The following HDAC9 variants were observed in gnomAD, a reference collection of about 807,000 sequenced individuals.
HDAC9 encodes histone deacetylase 9.
HDAC9 carries 41 observed loss-of-function variants against 139.4 expected under a neutral mutation model. The observed-to-expected ratio is 0.29, with a 90% confidence interval of 0.23 to 0.38. The LOEUF is 0.38. Ranked by LOEUF, HDAC9 falls within the 10% of genes least tolerant of loss-of-function variation. The pLI is 1.00. For synonymous variants in HDAC9, 517 were observed against 476.2 expected (o/e 1.09, Z -1.12); for missense variants, 1,147 against 1,297.0 (o/e 0.88, Z 1.78).
chr7:18,326,033 A>G (rs755064254), intron 1 of HDAC9, among the ~76,000 whole-genome samples: 6 of 152,142 alleles, frequency 3.9e-5, no homozygotes, highest in Non-Finnish European at 7.4e-5. Flanking sequence ...CAAAGTGAAC[A>G]CATTCTGCTG....
intron 12 of HDAC9, among the ~76,000 whole-genome samples, chr7:18,704,758 GATA>G (rs1334895653): frequency 2.6e-5 from 4 of 152,024 alleles, no homozygotes; most frequent in Non-Finnish European, 5.9e-5. Flanking sequence ...ACACAGACTT[GATA>G]ATAATTTTTA....
intron 1 of HDAC9, among the ~76,000 whole-genome samples, chr7:18,438,987 G>A (rs915240239): frequency 2.0e-5 from 3 of 152,176 alleles, no homozygotes; most frequent in Non-Finnish European, 4.4e-5. Context: ...AACAATGTGT[G>A]TGCATACTGT....
chr7:18,690,653 G>T (rs2129097070), intron 12 of HDAC9, among the ~76,000 whole-genome samples: 1 of 151,804 alleles, frequency 6.6e-6, no homozygotes, highest in African/African-American at 2.4e-5. Flanking sequence ...TTTAAATGTG[G>T]CTATAGTACA....
intron 24 of HDAC9, among the ~76,000 whole-genome samples, chr7:18,972,895 C>G (rs1239220661): frequency 1.3e-5 from 2 of 152,176 alleles, no homozygotes; most frequent in Non-Finnish European, 2.9e-5. Flanking sequence ...TCTTAAAGTA[C>G]AAGGGTAATG....
intron 22 of HDAC9, among the ~76,000 whole-genome samples, chr7:18,877,099 G>A (rs1417729341): frequency 1.3e-5 from 2 of 152,068 alleles, no homozygotes; most frequent in Admixed American, 6.5e-5. Context: ...GACTAGTTTT[G>A]TGATACTTAA....
intron 2 of HDAC9, among the ~76,000 whole-genome samples, chr7:18,206,722 G>A (rs1791536250): frequency 6.6e-6 from 1 of 152,036 alleles, no homozygotes; most frequent in Admixed American, 6.6e-5. Context: ...TAAATGGATG[G>A]ACCTTAAAAA....
intron 22 of HDAC9, among the ~76,000 whole-genome samples, chr7:18,921,723 A>G (rs1803748303): frequency 6.6e-6 from 1 of 152,140 alleles, no homozygotes; most frequent in Admixed American, 6.5e-5. Flanking sequence ...CCATCCCATT[A>G]CTGGGTATAT....
At chr7:18,332,815 G>A (rs1346416925) in intron 1 of HDAC9, among the ~76,000 whole-genome samples, 1 of 151,416 alleles carries the variant, frequency 6.6e-6, no homozygotes, top group Non-Finnish European at 1.5e-5. Flanking sequence ...TTTTGTTAGG[G>A]GCTGAGAAAT....
chr7:18,808,389 CTG>C (rs1386473683), intron 17 of HDAC9: 1 of 152,140 alleles, frequency 6.6e-6, no homozygotes, highest in Non-Finnish European at 1.5e-5. Flanking sequence ...AAAATTGTCT[CTG>C]TTTGAATACG....
At chr7:18,709,848 T>G (rs549140898) in intron 12 of HDAC9, among the ~76,000 whole-genome samples, 4 of 152,316 alleles carry the variant, frequency 2.6e-5, no homozygotes, top group Admixed American at 2.6e-4. Context: ...TGCCCTGTGA[T>G]TCTATGCTTC....
intron 21 of HDAC9, among the ~76,000 whole-genome samples, chr7:18,848,411 G>A (rs1797049268): frequency 6.6e-6 from 1 of 152,024 alleles, no homozygotes; most frequent in Non-Finnish European, 1.5e-5. Context: ...CCTGTGGGTG[G>A]CAATTAGGGT....
At chr7:18,505,054 A>G (rs113061464) in intron 2 of HDAC9, among the ~76,000 whole-genome samples, 3 of 152,344 alleles carry the variant, frequency 2.0e-5, no homozygotes, top group African/African-American at 7.2e-5. Context: ...TCATGTTCTC[A>G]GTGCTAGATA....
chr7:18,798,530 C>G (rs1040434925), intron 17 of HDAC9, among the ~76,000 whole-genome samples: 1 of 152,116 alleles, frequency 6.6e-6, no homozygotes, highest in African/African-American at 2.4e-5. Context: ...AACTTGCCAA[C>G]CTCTGATGGG....
At chr7:18,986,550 G>T (rs1785369425) in intron 25 of HDAC9, among the ~76,000 whole-genome samples, 1 of 133,814 alleles carries the variant, frequency 7.5e-6, no homozygotes, top group Non-Finnish European at 1.6e-5. Flanking sequence ...ACTTGGCAAT[G>T]CGGGCTCTTT....
intron 2 of HDAC9, among the ~76,000 whole-genome samples, chr7:18,229,833 T>C (rs1409953078): frequency 6.6e-6 from 1 of 152,172 alleles, no homozygotes; most frequent in East Asian, 1.9e-4. Flanking sequence ...ATTCTTCAAT[T>C]TGATGAAGTC....
At chr7:18,765,329 A>G (rs1789735548) in intron 15 of HDAC9, among the ~76,000 whole-genome samples, 1 of 152,186 alleles carries the variant, frequency 6.6e-6, no homozygotes. Flanking sequence ...ACTCTTAAAA[A>G]TTAATTTATT....
intron 24 of HDAC9, among the ~76,000 whole-genome samples, chr7:18,958,562 C>A (rs552934043): frequency 1.6e-3 from 236 of 152,240 alleles, no homozygotes; most frequent in Non-Finnish European, 2.9e-3. Context: ...CAATACGTGG[C>A]AACTTAGCAC....
At chr7:18,753,338 G>A (rs961114495) in intron 14 of HDAC9, among the ~76,000 whole-genome samples, 1 of 152,018 alleles carries the variant, frequency 6.6e-6, no homozygotes, top group African/African-American at 2.4e-5. Flanking sequence ...AGCATCAGTG[G>A]GGCCCTGTGA....
intron 12 of HDAC9, among the ~76,000 whole-genome samples, chr7:18,688,192 T>G (rs1223918089): frequency 6.6e-6 from 1 of 151,744 alleles, no homozygotes; most frequent in Non-Finnish European, 1.5e-5. Context: ...ACAAGTGGAA[T>G]AAAAAATAGG....
Sources: gnomAD v4.1 joint callset for allele counts (sites outside exome capture counted in the v4.1 genomes callset) on GRCh38, gnomAD v4.1.1 for gene constraint, MANE v1.5 for transcripts, NCBI Gene and HGNC (gene_info 2026-07-23, HGNC 2026-07-21) for gene names.